The following GPC6 variants were observed in gnomAD, a reference collection of about 807,000 sequenced individuals.
GPC6 encodes the protein glypican 6, also known as glypican-6.
Under a neutral mutation model 55.2 loss-of-function variants are expected in GPC6, and 14 were observed. The observed-to-expected ratio is 0.25, with a 90% CI of 0.17 to 0.40. The LOEUF is 0.40. Ranked by LOEUF, GPC6 falls within the 10% of genes least tolerant of loss-of-function variation. The pLI is 1.00. For synonymous variants in GPC6, 278 were observed against 259.6 expected (o/e 1.07, Z -0.68); for missense variants, 641 against 708.5 (o/e 0.90, Z 1.08).
intron 4 of GPC6, among the ~76,000 whole-genome samples, chr13:94,109,050 A>G (rs1157551719): frequency 6.6e-6 from 1 of 151,374 alleles, no homozygotes; most frequent in Non-Finnish European, 1.5e-5. Context: ...TCTTTAAACT[A>G]CAGTGTTTCT....
intron 3 of GPC6, among the ~76,000 whole-genome samples, chr13:94,001,945 T>C (rs1881823777): frequency 6.6e-6 from 1 of 151,954 alleles, no homozygotes; most frequent in Admixed American, 6.6e-5. Flanking sequence ...CTGGAGAAGA[T>C]TAAGGGGGAG....
intron 1 of GPC6, among the ~76,000 whole-genome samples, chr13:93,351,148 T>G (rs1023957493): frequency 6.6e-6 from 1 of 152,136 alleles, no homozygotes; most frequent in South Asian, 2.1e-4. Context: ...CTTAAAAAAA[T>G]TTGAATACAA....
chr13:93,996,022 A>G (rs1429085909), intron 3 of GPC6, among the ~76,000 whole-genome samples: 2 of 152,234 alleles, frequency 1.3e-5, no homozygotes, highest in South Asian at 2.1e-4. Flanking sequence ...TTTTAGTTTT[A>G]TAAGTTCCAA....
At chr13:93,454,045 C>G (rs897259280) in intron 1 of GPC6, among the ~76,000 whole-genome samples, 26 of 152,102 alleles carry the variant, frequency 1.7e-4, no homozygotes, top group African/African-American at 6.3e-4. Flanking sequence ...TTCTCCGTGT[C>G]CCCACCAGAT....
intron 4 of GPC6, among the ~76,000 whole-genome samples, chr13:94,105,826 G>A (rs1174659143): frequency 2.0e-5 from 3 of 152,186 alleles, no homozygotes; most frequent in African/African-American, 4.8e-5. Context: ...ATTCAGCAAT[G>A]TCTGGAAACA....
At chr13:94,022,816 T>G (rs947598169) in intron 3 of GPC6, among the ~76,000 whole-genome samples, 22 of 152,118 alleles carry the variant, frequency 1.4e-4, no homozygotes, top group African/African-American at 5.3e-4. Flanking sequence ...CTCTGATGAC[T>G]AATGATGTTG....
chr13:94,389,333 G>T (rs184225582), intron 7 of GPC6, among the ~76,000 whole-genome samples: 1 of 152,126 alleles, frequency 6.6e-6, no homozygotes, highest in Non-Finnish European at 1.5e-5. Context: ...CTGGGCAGTC[G>T]GTGGCCATAA....
At chr13:93,685,392 T>G (rs1212639744) in intron 2 of GPC6, among the ~76,000 whole-genome samples, 1 of 152,192 alleles carries the variant, frequency 6.6e-6, no homozygotes, top group East Asian at 1.9e-4. Flanking sequence ...TAGTTCCAAA[T>G]GATCAAGGTA....
At chr13:94,310,724 G>A (rs1876200868) in intron 6 of GPC6, among the ~76,000 whole-genome samples, 1 of 151,832 alleles carries the variant, frequency 6.6e-6, no homozygotes, top group South Asian at 2.1e-4. Context: ...TTTCCTCTCT[G>A]CTTGTGATTT....
chr13:93,914,512 G>A (rs1358326896), intron 3 of GPC6, among the ~76,000 whole-genome samples: 1 of 152,142 alleles, frequency 6.6e-6, no homozygotes, highest in Admixed American at 6.5e-5. Context: ...ACACTCTGTG[G>A]TAGCTATTCA....
At chr13:94,336,895 A>C (rs1385080968) in intron 6 of GPC6, among the ~76,000 whole-genome samples, 1 of 152,204 alleles carries the variant, frequency 6.6e-6, no homozygotes, top group Non-Finnish European at 1.5e-5. Flanking sequence ...CAGAGTGTGA[A>C]TATATTGGGG....
intron 3 of GPC6, among the ~76,000 whole-genome samples, chr13:93,855,152 C>T (rs559930186): frequency 6.6e-6 from 1 of 151,600 alleles, no homozygotes; most frequent in African/African-American, 2.4e-5. Context: ...ATAATGCTGC[C>T]CTGAAAACTC....
chr13:93,418,642 TATC>T (rs1309894271), intron 1 of GPC6, among the ~76,000 whole-genome samples: 4 of 151,280 alleles, frequency 2.6e-5, no homozygotes, highest in Admixed American at 2.6e-4. Flanking sequence ...TATACCGTAG[TATC>T]ATTTTATTAA....
intron 3 of GPC6, among the ~76,000 whole-genome samples, chr13:94,023,241 G>A (rs1238018327): frequency 6.6e-6 from 1 of 151,138 alleles, no homozygotes; most frequent in African/African-American, 2.4e-5. Flanking sequence ...TTAAGTATGA[G>A]TTTTTAGAAC....
chr13:94,270,089 T>C (rs1363912180), intron 4 of GPC6, among the ~76,000 whole-genome samples: 2 of 152,198 alleles, frequency 1.3e-5, no homozygotes, highest in Non-Finnish European at 2.9e-5. Context: ...AGGAAATATA[T>C]TACATTGTGG....
chr13:93,969,892 T>C (rs952467605), intron 3 of GPC6, among the ~76,000 whole-genome samples: 2 of 152,094 alleles, frequency 1.3e-5, no homozygotes, highest in African/African-American at 4.8e-5. Context: ...GTTGCGCAAA[T>C]GACAGGATTT....
At chr13:93,555,921 TTAGC>T (rs1396720324) in intron 2 of GPC6, among the ~76,000 whole-genome samples, 2 of 152,168 alleles carry the variant, frequency 1.3e-5, no homozygotes, top group East Asian at 3.9e-4. Flanking sequence ...GAGAGGTTAG[TTAGC>T]AGGATGTAGA....
intron 2 of GPC6, among the ~76,000 whole-genome samples, chr13:93,759,082 C>T (rs1307875516): frequency 1.3e-5 from 2 of 152,122 alleles, no homozygotes; most frequent in Admixed American, 1.3e-4. Context: ...CAAGATACAG[C>T]CCAAGGATCT....
At position 94,075,491 on chromosome 13, in the gene GPC6, A is replaced by C. The variant is rs138903032; in HGVS notation, c.877+47597A>C. The stretch of plus-strand genomic sequence containing the variant: ...TTACATGAGATCTACCCACTTAATA[A>C]ATTTTAAGTGCACATTACCATACTG... On this transcript the variant is annotated intron_variant, in intron 4 of 8. Coordinates refer to ENST00000377047, the MANE Select transcript of GPC6 (RefSeq NM_005708.5). 4.8e-3 allele frequency among the ~76,000 whole-genome samples: 725 copies of C among 152,094 alleles called. 8 individuals are homozygous for C. The highest frequency in any genetic ancestry group is 0.017 in the African/African-American group (688 of 41,508).
Sources: allele counts gnomAD v4.1 joint callset (sites outside exome capture counted in the v4.1 genomes callset), GRCh38; gene constraint gnomAD v4.1.1; transcripts MANE v1.5; gene names NCBI Gene and HGNC (gene_info 2026-07-23, HGNC 2026-07-21).